GRK7: variants seen among roughly 807,000 people sequenced by gnomAD.
The protein encoded by GRK7 is rhodopsin kinase GRK7.
Under a neutral mutation model 34.1 loss-of-function variants are expected in GRK7, and 24 were observed. That is an observed-to-expected ratio of 0.70 (90% CI 0.51 to 0.99). The LOEUF is 0.99. GRK7 is among the 50% of genes least tolerant of loss of function. GRK7 has a pLI of 0.00. For synonymous variants in GRK7, 256 were observed against 279.4 expected (o/e 0.92, Z 0.84); for missense variants, 644 against 707.3 (o/e 0.91, Z 1.02).
intron 4 of GRK7, among the ~76,000 whole-genome samples, chr3:141,803,877 A>AT (rs1396155762): frequency 6.6e-6 from 1 of 150,978 alleles, no homozygotes; most frequent in Non-Finnish European, 1.5e-5. Flanking sequence ...ACGCCCAGCT[A>AT]TTTTTTGTAT....
chr3:141,751,414 G>C, the GRK7 span, among the ~76,000 whole-genome samples: 1 of 152,126 alleles, frequency 6.6e-6, no homozygotes, highest in Admixed American at 6.6e-5. Context: ...TACAGGGTCT[G>C]TTAGGGAATA....
chr3:141,778,887 T>C lies in GRK7; in HGVS notation c.603T>C (p.Gly201=). The C allele has an allele frequency of 6.2e-7, 1 of 1,608,430 alleles. No homozygotes were observed. The highest frequency in any genetic ancestry group is 1.1e-5 in the South Asian group (1 of 89,986). Residue 201 remains glycine, a synonymous_variant, in exon 3 of 6, where the codon GGT becomes GGC. Transcript: ENST00000682958. This position sits in a 1 kb window ranked among gnomAD's most constrained non-coding sequence, Gnocchi z 4.1. ...FTEFRVLGKG[G]FGEVCAVQVK... is the part of the protein sequence containing the mutation. ...AGTTCAGAGTGCTGGGGAAAGGTGG[T>C]TTTGGGGAGGTAAGTGTCTCCCAGT...
chr3:141,778,454 A>G lies in GRK7; in HGVS notation c.170A>G (p.His57Arg). Residue 57 changes from histidine (H) to arginine (R), a missense_variant, in exon 3 of 6, where the codon CAC (histidine) becomes CGC (arginine). His to Arg is a conservative substitution (Grantham distance 29, BLOSUM62 0). Transcript: ENST00000682958. This position sits in a 1 kb window ranked among gnomAD's most constrained non-coding sequence, Gnocchi z 4.1. ...CGCCAGAAGCTGTCCCTGAACTTCCACAGCCTGTGTGAGCAGCAGCCCATC... is the reference window on the plus strand; with the variant it reads ...CGCCAGAAGCTGTCCCTGAACTTCCGCAGCCTGTGTGAGCAGCAGCCCATC... ...ELRQKLSLNF[H>R]SLCEQQPIGR... is the part of the protein sequence containing the mutation. The G allele has an allele frequency of 6.2e-7, 1 of 1,613,088 alleles. No individual in the cohort carries two copies. Among genetic ancestry groups the G allele is most frequent in the Non-Finnish European group, 8.5e-7 (1 of 1,179,910 alleles).
rs1559841048 is a variant in GRK7, at chr3:141,780,252, T to C, written c.613-122T>C. ...CACTTTTTCTTGAGAACACTTCTTA[T>C]TTACAGCTACTCCTTTCTCCAATGC... On this transcript the variant is annotated intron_variant, in intron 3 of 5. Coordinates refer to ENST00000682958, the MANE Select transcript of GRK7 (RefSeq NM_139209.3). 4 of 801,896 alleles carry C rather than the reference T, an allele frequency of 5.0e-6. No homozygotes were observed. In the East Asian group the frequency reaches 1.1e-4, roughly 21 times the overall value. 49.7% of individuals were successfully genotyped at this position (801,896 alleles called of 1,614,324 possible). A position where few individuals can be genotyped will look rare whatever the true frequency, so the allele number is the denominator to read the frequency against.
chr3:141,787,582 G>A (rs1056474464), intron 4 of GRK7, among the ~76,000 whole-genome samples: 103 of 145,048 alleles, frequency 7.1e-4, no homozygotes, highest in African/African-American at 2.5e-3. Context: ...CCAAGATTGC[G>A]CCACTGCACT....
chr3:141,756,078 G>A, the GRK7 span, among the ~76,000 whole-genome samples: 65 of 151,628 alleles, frequency 4.3e-4, no homozygotes, highest in African/African-American at 1.4e-3. Context: ...TTGCGAGGCC[G>A]AGGTGAGCAG....
At position 141,780,573 on chromosome 3, in the gene GRK7, T is replaced by C; in HGVS notation, c.812T>C (p.Met271Thr). The C allele has an allele frequency of 6.2e-7, 1 of 1,614,212 alleles. No homozygotes were observed. Among genetic ancestry groups the C allele is most frequent in the Non-Finnish European group, 8.5e-7 (1 of 1,180,036 alleles). ...CATCTCTGCCTTGTCATGAGCCTGA[T>C]GAATGGGGGAGACCTCAAGTTCCAC... Reference protein sequence around the residue: ...KTHLCLVMSLMNGGDLKFHIY... With the variant: ...KTHLCLVMSLTNGGDLKFHIY... The change falls in exon 4 of 6, where the codon ATG (methionine) becomes ACG (threonine). Residue 271 changes from methionine to threonine, a missense_variant. Coordinates refer to ENST00000682958, the MANE Select transcript of GRK7 (RefSeq NM_139209.3).
chr3:141,768,020 A>G (rs900818411), intron 1 of GRK7, among the ~76,000 whole-genome samples: 2 of 152,172 alleles, frequency 1.3e-5, no homozygotes, highest in African/African-American at 4.8e-5. Flanking sequence ...GTGGTTTTCA[A>G]CTGACATTTC....
chr3:141,790,642 C>G (rs529059716), intron 4 of GRK7, among the ~76,000 whole-genome samples: 1 of 151,370 alleles, frequency 6.6e-6, no homozygotes, highest in Non-Finnish European at 1.5e-5. Flanking sequence ...TGGCTCACTG[C>G]GACCTCTGCC....
At chr3:141,770,319 G>T (rs932265595) in intron 1 of GRK7, among the ~76,000 whole-genome samples, 3 of 152,108 alleles carry the variant, frequency 2.0e-5, no homozygotes, top group African/African-American at 7.2e-5. Flanking sequence ...AATAATCACA[G>T]AGTTTATAAA....
At chr3:141,789,270 C>T (rs561566108) in intron 4 of GRK7, among the ~76,000 whole-genome samples, 1 of 152,236 alleles carries the variant, frequency 6.6e-6, no homozygotes, top group South Asian at 2.1e-4. Context: ...TGGCCTGATC[C>T]AGGTGTCTGA....
intron 5 of GRK7, among the ~76,000 whole-genome samples, chr3:141,810,284 TTCTC>T (rs142092151): frequency 6.8e-6 from 1 of 146,108 alleles, no homozygotes; most frequent in Non-Finnish European, 1.5e-5. Flanking sequence ...CCCCCCTCTT[TTCTC>T]TCTCTCTCTC....
the GRK7 span, among the ~76,000 whole-genome samples, chr3:141,750,016 C>CAA: frequency 9.6e-5 from 12 of 124,724 alleles, no homozygotes; most frequent in African/African-American, 2.0e-4. Flanking sequence ...GACTCCGTCT[C>CAA]AAAAAAAAAA....
the GRK7 span, among the ~76,000 whole-genome samples, chr3:141,754,939 C>T: frequency 1.3e-5 from 2 of 152,150 alleles, no homozygotes; most frequent in South Asian, 4.2e-4. Flanking sequence ...TTTAAATGGA[C>T]ATATCCTTTA....
At chr3:141,752,794 C>A in the GRK7 span, among the ~76,000 whole-genome samples, 2 of 152,132 alleles carry the variant, frequency 1.3e-5, no homozygotes, top group African/African-American at 2.4e-5. Context: ...AGTCCTAACC[C>A]CCAATGTGAT....
intron 4 of GRK7, among the ~76,000 whole-genome samples, chr3:141,786,662 C>T (rs1289626592): frequency 6.6e-6 from 1 of 151,864 alleles, no homozygotes; most frequent in Non-Finnish European, 1.5e-5. Context: ...CCTGTAGTCC[C>T]AGCTACTTGG....
chr3:141,762,819 T>C (rs2084562187), upstream of GRK7, among the ~76,000 whole-genome samples: 1 of 152,228 alleles, frequency 6.6e-6, no homozygotes, highest in Admixed American at 6.5e-5. Context: ...GTGAGGGATA[T>C]AATCTCGTGG....
intron 4 of GRK7, among the ~76,000 whole-genome samples, chr3:141,787,624 C>CAAAA (rs36081874): frequency 5.1e-4 from 48 of 94,160 alleles, no homozygotes; most frequent in African/African-American, 1.5e-3. Flanking sequence ...GACTCTGCCT[C>CAAAA]AAAAAAAAAA....
In GRK7 at chr3:141,780,447, A is replaced by G. The variant is rs1406955019; in HGVS notation, c.686A>G (p.Lys229Arg). Residue 229 changes from lysine to arginine, a missense_variant, in exon 4 of 6, where the codon AAG becomes AGG. By Grantham distance (26) the Lys-to-Arg change is conservative (BLOSUM62 2). Coordinates refer to ENST00000682958, the MANE Select transcript of GRK7 (RefSeq NM_139209.3). The stretch of plus-strand genomic sequence containing the variant: ...AAACTGGACAAGAAGCGGCTGAAGA[A>G]GAAAGGTGGCGAGAAGATGGCTCTC... ...CKKLDKKRLK[K>R]KGGEKMALLE... is the part of the protein sequence containing the mutation. 1 of 1,614,240 alleles carries G rather than the reference A, an allele frequency of 6.2e-7. No homozygotes were observed. The highest frequency in any genetic ancestry group is 1.7e-5 in the Admixed American group (1 of 60,022).
Sources: gnomAD v4.1 joint callset for allele counts (sites outside exome capture counted in the v4.1 genomes callset) on GRCh38, gnomAD v4.1.1 for gene constraint, Gnocchi (gnomAD v3.1) non-coding constraint, MANE v1.5 for transcripts, NCBI Gene and HGNC (gene_info 2026-07-23, HGNC 2026-07-21) for gene names.